Variants in PAXIP1 observed in about 807,000 individuals in gnomAD.
The protein encoded by PAXIP1 is PAX-interacting protein 1.
In PAXIP1, 19 loss-of-function variants were observed where a neutral mutation model predicts 140.6. The ratio of observed to expected loss-of-function variants is 0.14; its 90% CI spans 0.09 to 0.20. PAXIP1 has a LOEUF of 0.20. Among genes scored for constraint, PAXIP1 ranks in the 10% least tolerant of loss-of-function variants. PAXIP1 has a pLI of 1.00. For missense variants in PAXIP1, 920 were observed against 1,208.6 expected, an observed-to-expected ratio of 0.76 and a Z score of 3.54; for synonymous variants, 442 against 444.6, an observed-to-expected ratio of 0.99 and a Z score of 0.07.
In PAXIP1 at chr7:154,954,376, G is replaced by C; in HGVS notation, c.2700C>G (p.Cys900Trp). ...GGEVAESAQK[C>W]THLIASKVTR... ...TCACTTTGCTGGCAATGAGGTGTGTGCACTTCTGTGCAGACTCCGCAACCT... is the reference window on the plus strand; with the variant it reads ...TCACTTTGCTGGCAATGAGGTGTGTCCACTTCTGTGCAGACTCCGCAACCT... The change falls in exon 16 of 21, where the codon TGC (cysteine) becomes TGG (tryptophan). Residue 900 changes from cysteine (C) to tryptophan (W), a missense_variant. This residue lies in a region of PAXIP1 where 303 missense variants were observed against 517.9 expected (regional missense o/e 0.59). Transcript: ENST00000404141. This position sits in a 1 kb window ranked among gnomAD's most constrained non-coding sequence, Gnocchi z 5.1. 1 of 1,602,934 alleles carries C rather than the reference G, an allele frequency of 6.2e-7. No homozygotes were observed. Among genetic ancestry groups the C allele is most frequent in the Non-Finnish European group, 8.5e-7 (1 of 1,171,912 alleles).
intron 2 of PAXIP1, among the ~76,000 whole-genome samples, chr7:154,994,052 TTTAGG>T (rs1810467272): frequency 6.6e-6 from 1 of 152,132 alleles, no homozygotes; most frequent in Admixed American, 6.5e-5. Flanking sequence ...GACCCCCACA[TTTAGG>T]ACAGGGGAAC....
chr7:154,948,069 C>T (rs1200733721), intron 16 of PAXIP1, 66 bp from the exon 17 acceptor site: 4 of 1,065,710 alleles, frequency 3.8e-6, no homozygotes, highest in Non-Finnish European at 5.9e-6. Flanking sequence ...GTGTGACCCA[C>T]AAAATTCTCG....
At chr7:154,951,379 G>A (rs1315519283) in intron 16 of PAXIP1, 1 of 152,402 alleles carries the variant, frequency 6.6e-6, no homozygotes, top group African/African-American at 2.4e-5. Context: ...TGACTGTAGT[G>A]GGGGTGGCGG....
chr7:154,985,724 T>C (rs1810039052), intron 4 of PAXIP1, among the ~76,000 whole-genome samples: 1 of 152,220 alleles, frequency 6.6e-6, no homozygotes, highest in Admixed American at 6.5e-5. Context: ...CTTTTCCTTC[T>C]TCAGGCCTCA....
intron 17 of PAXIP1, 122 bp downstream of exon 17, chr7:154,947,781 G>A (rs1808063094): frequency 1.3e-6 from 1 of 744,114 alleles, no homozygotes; most frequent in East Asian, 2.5e-5. Context: ...GAGGTAAATG[G>A]GATGCAGGGT....
At chr7:154,994,539 C>G (rs941129715) in intron 2 of PAXIP1, among the ~76,000 whole-genome samples, 1 of 152,168 alleles carries the variant, frequency 6.6e-6, no homozygotes, top group Non-Finnish European at 1.5e-5. Context: ...AGAGATGGTG[C>G]AAGGCGCTGG....
chr7:154,997,027 AAGG>A (rs1810661294), intron 2 of PAXIP1, among the ~76,000 whole-genome samples: 2 of 152,248 alleles, frequency 1.3e-5, no homozygotes, highest in African/African-American at 4.8e-5. Flanking sequence ...AGTTTGTAGG[AAGG>A]AGAAGGAAGA....
In PAXIP1 at chr7:154,962,269, C is replaced by T. The variant is rs59204886; in HGVS notation, c.2127+52G>A. On this transcript the variant is annotated intron_variant, in intron 10 of 20. Transcript: ENST00000404141. Reference sequence around the variant, plus strand: ...AGGTAAGCACTAGCAAGTGATTATTCGCCAAAGTCGAAGGATGATTTAACA... The same window carrying T: ...AGGTAAGCACTAGCAAGTGATTATTTGCCAAAGTCGAAGGATGATTTAACA... The T allele has an allele frequency of 1.3e-3, 2,038 of 1,599,182 alleles. 15 individuals carry two copies. In the African/African-American group the frequency reaches 0.022, roughly 17 times the overall value.
rs748072346 is a variant in PAXIP1 at position 154,967,885 on chromosome 7, T to C, written c.1824A>G (p.Gly608=). The change falls in exon 8 of 21, where the codon GGA becomes GGG. Residue 608 remains glycine (G), a synonymous_variant. Coordinates refer to ENST00000404141, the MANE Select transcript of PAXIP1 (RefSeq NM_007349.4). ...VEIPEEGFLL[G]CVFAIADYPE... ...GATAATCCGCAATTGCAAACACACATCCCAATAAGAAGCCTTCTTCTGGAA... is the reference window on the plus strand; with the variant it reads ...GATAATCCGCAATTGCAAACACACACCCCAATAAGAAGCCTTCTTCTGGAA... 5 of 1,612,920 alleles carry C rather than the reference T, an allele frequency of 3.1e-6. No homozygotes were observed. In the Admixed American group the frequency reaches 8.3e-5, roughly 27 times the overall value.
chr7:154,989,878 G>C (rs1443344802), intron 4 of PAXIP1, among the ~76,000 whole-genome samples: 1 of 152,112 alleles, frequency 6.6e-6, no homozygotes, highest in Non-Finnish European at 1.5e-5. Flanking sequence ...TAAGCAGCTA[G>C]ACTACTGTGT....
rs569418914 is a variant in PAXIP1, at chr7:154,977,943, C to T, written c.439-1612G>A. On this transcript the variant is annotated intron_variant, in intron 5 of 20. Coordinates refer to ENST00000404141, the MANE Select transcript of PAXIP1 (RefSeq NM_007349.4). The stretch of plus-strand genomic sequence containing the variant: ...GACCAAACTTTTTAATGTACATTTT[C>T]GAACGCAGACCAAACTTTTTAATGT... Among the ~76,000 whole-genome samples the T allele has an allele frequency of 4.8e-5, 6 of 123,886 alleles. No individual in the cohort carries two copies. The East Asian group carries it at 5.8e-4, about 12-fold the overall frequency. 81.3% of individuals were successfully genotyped at this position (123,886 alleles called of 152,430 possible).
intron 9 of PAXIP1, among the ~76,000 whole-genome samples, chr7:154,962,957 C>T (rs1004425508): frequency 6.6e-6 from 1 of 152,246 alleles, no homozygotes; most frequent in East Asian, 1.9e-4. Flanking sequence ...AATCTGTCTA[C>T]AATAAGCATT....
chr7:154,996,739 C>T (rs1028497723), intron 2 of PAXIP1, among the ~76,000 whole-genome samples: 3 of 152,170 alleles, frequency 2.0e-5, no homozygotes, highest in Non-Finnish European at 2.9e-5. Context: ...TTCGCCTTCA[C>T]ATTTCAGTTT....
At position 154,963,962 on chromosome 7, in the gene PAXIP1, C is replaced by CCTG; in HGVS notation, c.1894-197_1894-196insCAG. 1.8e-6 allele frequency: 1 copy of CCTG among 550,820 alleles called. No individual in the cohort carries two copies. Among genetic ancestry groups the CCTG allele is most frequent in the Non-Finnish European group, 3.3e-6 (1 of 305,602 alleles). 34.1% of individuals were successfully genotyped at this position (550,820 alleles called of 1,614,324 possible). A position where few individuals can be genotyped will look rare whatever the true frequency, so the allele number is the denominator to read the frequency against. ...CATACAATGAAAATGAACTCCAATACTCTAAATTTAATCTGAATTCCCAGG... is the reference window on the plus strand; with the variant it reads ...CATACAATGAAAATGAACTCCAATACCTGTCTAAATTTAATCTGAATTCCCAGG... On this transcript the variant is annotated intron_variant, in intron 8 of 20. Coordinates refer to ENST00000404141, the MANE Select transcript of PAXIP1 (RefSeq NM_007349.4). This position sits in a 1 kb window ranked among gnomAD's most constrained non-coding sequence, Gnocchi z 4.1.
In PAXIP1 at chr7:154,973,623, C is replaced by T. The variant is rs1042361159; in HGVS notation, c.1074+2073G>A. On this transcript the variant is annotated intron_variant, in intron 6 of 20. Transcript: ENST00000404141. This position sits in a 1 kb window ranked among gnomAD's most constrained non-coding sequence, Gnocchi z 4.0. ...CCAAGAACCGTGTACTACTAATACTCGCTGCTTAGGTGGAGGGGAGGGGAG... is the reference window on the plus strand; with the variant it reads ...CCAAGAACCGTGTACTACTAATACTTGCTGCTTAGGTGGAGGGGAGGGGAG... Among the ~76,000 whole-genome samples, 2 of 152,180 alleles carry T rather than the reference C, an allele frequency of 1.3e-5. No homozygotes were observed. Among genetic ancestry groups the T allele is most frequent in the African/African-American group, 2.4e-5 (1 of 41,452 alleles).
At chr7:154,976,619 A>C (rs963981159) in intron 5 of PAXIP1, among the ~76,000 whole-genome samples, 9 of 152,222 alleles carry the variant, frequency 5.9e-5, no homozygotes, top group African/African-American at 1.9e-4. Context: ...TAAGTACAAA[A>C]GTAGAGCTAG....
Position 154,986,312 on chromosome 7 carries a change from T to C in PAXIP1, c.325-2980A>G. 2.2e-6 allele frequency: 1 copy of C among 452,398 alleles called. No homozygotes were observed. The highest frequency in any genetic ancestry group is 3.8e-6 in the Non-Finnish European group (1 of 265,454). The allele number at this position is 452,398 out of a possible 1,614,324, so 28.0% of individuals were successfully genotyped here. ...CTCCAGTGTGCAGAAAAGGTGCAGA[T>C]CCCTCTGACAGTCTCCAATCAGTTA... On this transcript the variant is annotated intron_variant, in intron 4 of 20. Transcript: ENST00000404141. This position sits in a 1 kb window ranked among gnomAD's most constrained non-coding sequence, Gnocchi z 4.8.
At position 154,944,446 on chromosome 7, in the gene PAXIP1, C is replaced by G. The variant is rs908354533; in HGVS notation, c.3195-282G>C. On this transcript the variant is annotated intron_variant, in intron 20 of 20. Transcript: ENST00000404141. ...TGAGGCCCAGCAATAGCTGAAATGT[C>G]CTTTAAATTAACATGTACAACACAC... 1.8e-4 allele frequency: 51 copies of G among 287,760 alleles called. 2 individuals are homozygous for G. The highest frequency in any genetic ancestry group is 2.6e-5 in the Non-Finnish European group (4 of 151,206). 17.8% of individuals were successfully genotyped at this position (287,760 alleles called of 1,614,324 possible).
At chr7:154,970,668 G>C (rs1809260921) in intron 6 of PAXIP1, among the ~76,000 whole-genome samples, 1 of 152,248 alleles carries the variant, frequency 6.6e-6, no homozygotes, top group Non-Finnish European at 1.5e-5. Context: ...ATTTGGTGCT[G>C]TGCAAACACC....
Sources: allele counts gnomAD v4.1 joint callset (sites outside exome capture counted in the v4.1 genomes callset), GRCh38; gene constraint gnomAD v4.1.1; regional missense constraint gnomAD v4.1.1; non-coding constraint Gnocchi (gnomAD v3.1); transcripts MANE v1.5; gene names NCBI Gene and HGNC (gene_info 2026-07-23, HGNC 2026-07-21).